Variants in ZBTB46 observed in about 807,000 individuals in gnomAD.
The protein encoded by ZBTB46 is zinc finger and BTB domain-containing protein 46.
Under a neutral mutation model 44.1 loss-of-function variants are expected in ZBTB46, and 8 were observed. That is an observed-to-expected ratio of 0.18 (90% confidence interval 0.11 to 0.33). ZBTB46 has a LOEUF of 0.33. Among genes scored for constraint, ZBTB46 ranks in the 10% least tolerant of loss-of-function variants. ZBTB46 has a pLI of 1.00. For missense variants in ZBTB46, 651 were observed against 847.7 expected (o/e 0.77, Z 2.88); for synonymous variants, 409 against 382.3 (o/e 1.07, Z -0.81).
In ZBTB46 at chr20:63,790,218, A is replaced by G; in HGVS notation, c.540T>C (p.Ser180=). 2 of 1,612,636 alleles carry G rather than the reference A, an allele frequency of 1.2e-6. No individual in the cohort carries two copies. Among genetic ancestry groups the G allele is most frequent in the Non-Finnish European group, 1.7e-6 (2 of 1,179,492 alleles). The change falls in exon 2 of 5, where the codon TCT becomes TCC. Residue 180 remains serine (S), a synonymous_variant. Coordinates refer to ENST00000245663, the MANE Select transcript of ZBTB46 (RefSeq NM_001369741.1). ...AGCTGGCGATGGCCGAGTCTCCGGA[A>G]GAATTGGCAGGACTCGTTCGCCGTG... ...WLARRTSPAN[S]SGDSAIASCH... is the part of the protein sequence containing the mutation.
chr20:63,805,740 A>G (rs1313561574), intron 1 of ZBTB46, among the ~76,000 whole-genome samples: 2 of 148,894 alleles, frequency 1.3e-5, no homozygotes, highest in African/African-American at 2.5e-5. Flanking sequence ...ACACAAAGCC[A>G]TGCATCAGCT....
chr20:63,786,920 G>C (rs983229568), intron 2 of ZBTB46, among the ~76,000 whole-genome samples: 8 of 152,146 alleles, frequency 5.3e-5, no homozygotes, highest in African/African-American at 1.9e-4. Flanking sequence ...GCCTCCAAAA[G>C]GGATTTTGGG....
At chr20:63,815,348 TAGGTGC>T (rs1281372202) in intron 1 of ZBTB46, among the ~76,000 whole-genome samples, 1 of 141,762 alleles carries the variant, frequency 7.1e-6, no homozygotes, top group Admixed American at 7.0e-5. Flanking sequence ...ATAGGTGCAG[TAGGTGC>T]AGGTGCAGTG....
intron 1 of ZBTB46, among the ~76,000 whole-genome samples, 165 bp downstream of exon 1, chr20:63,830,932 G>T (rs187638394): frequency 2.1e-5 from 3 of 141,734 alleles, no homozygotes; most frequent in African/African-American, 7.6e-5. Context: ...GAGCGCCGAT[G>T]GCCCCCGGGA....
intron 1 of ZBTB46, among the ~76,000 whole-genome samples, chr20:63,805,994 C>T (rs1290127009): frequency 6.8e-6 from 1 of 148,016 alleles, no homozygotes; most frequent in Non-Finnish European, 1.5e-5. Flanking sequence ...AGGTTGGTCT[C>T]GAACTCCTGA....
At position 63,752,005 on chromosome 20, in the gene ZBTB46, C is replaced by T. The variant is rs2092172418; in HGVS notation, c.1398+681G>A. Among the ~76,000 whole-genome samples, 2 of 151,458 alleles carry T rather than the reference C, an allele frequency of 1.3e-5. No individual in the cohort carries two copies. The highest frequency in any genetic ancestry group is 6.6e-5 in the Admixed American group (1 of 15,234). The stretch of plus-strand genomic sequence containing the variant: ...CTCTGCCCGGAGCCCGGGGCGCCTC[C>T]ACTGCCTCTCCTCACACAGCTGCCC... On this transcript the variant is annotated intron_variant, in intron 4 of 4. Coordinates refer to ENST00000245663, the MANE Select transcript of ZBTB46 (RefSeq NM_001369741.1). The surrounding 1 kb of genome is among the most constrained non-coding windows in gnomAD (Gnocchi z 5.6).
chr20:63,780,784 A>G (rs1568861172), intron 2 of ZBTB46, among the ~76,000 whole-genome samples: 1 of 151,472 alleles, frequency 6.6e-6, no homozygotes, highest in Non-Finnish European at 1.5e-5. Flanking sequence ...CCTGGGCGAC[A>G]GAATGATACT....
chr20:63,828,024 G>A (rs937200895), intron 1 of ZBTB46, among the ~76,000 whole-genome samples: 5 of 152,202 alleles, frequency 3.3e-5, no homozygotes, highest in African/African-American at 9.7e-5. Context: ...GGCCTCAAGC[G>A]GCCCGCCCGC....
intron 3 of ZBTB46, among the ~76,000 whole-genome samples, chr20:63,764,235 CA>C (rs1251867123): frequency 6.6e-6 from 1 of 152,082 alleles, no homozygotes; most frequent in Non-Finnish European, 1.5e-5. Flanking sequence ...CCAGGGGTTC[CA>C]GACCAGCCTG....
chr20:63,831,459 CGCCGCGCCGCGGGGTCGCAGGGG>C (rs1306740656), upstream of ZBTB46, among the ~76,000 whole-genome samples: 16 of 144,716 alleles, frequency 1.1e-4, no homozygotes, highest in African/African-American at 3.0e-4. Context: ...CGGCTCCCGG[CGCCGCGCCGCGGGGTCGCAGGGG>C]GCCGCGCCGG....
intron 1 of ZBTB46, among the ~76,000 whole-genome samples, chr20:63,818,661 C>T (rs2092773661): frequency 1.3e-5 from 2 of 151,576 alleles, no homozygotes; most frequent in African/African-American, 4.9e-5. Context: ...CGAGACCAGC[C>T]TGGCCAACAT....
At chr20:63,758,252 A>G (rs1437721319) in intron 3 of ZBTB46, among the ~76,000 whole-genome samples, 1 of 141,458 alleles carries the variant, frequency 7.1e-6, no homozygotes, top group Admixed American at 7.4e-5. Flanking sequence ...CACTACAGCC[A>G]GTATCCCCTC....
chr20:63,775,416 C>A, intron 3 of ZBTB46: 1 of 407,540 alleles, frequency 2.5e-6, no homozygotes. Context: ...GAGAAACATT[C>A]CAGCAAGCAC....
rs1042409095 is a variant in ZBTB46 at position 63,769,257 on chromosome 20, G to C, written c.1222+6421C>G. The C allele has an allele frequency of 2.3e-5, 23 of 985,284 alleles. No homozygotes were observed. In the African/African-American group the frequency reaches 3.7e-4, roughly 16 times the overall value. The allele number at this position is 985,284 out of a possible 1,614,324, so 61.0% of individuals were successfully genotyped here. A position where few individuals can be genotyped will look rare whatever the true frequency, so the allele number is the denominator to read the frequency against. On this transcript the variant is annotated intron_variant, in intron 3 of 4. Transcript: ENST00000245663. ...GCCACCCTGGTGTCTTACCTGAGCT[G>C]GGGGAGGCTGTGCCGGCTCCCTGGG...
chr20:63,827,571 G>A (rs1455006152), intron 1 of ZBTB46, among the ~76,000 whole-genome samples: 2 of 148,442 alleles, frequency 1.3e-5, no homozygotes, highest in Admixed American at 1.3e-4. Context: ...TTGCGCCACT[G>A]CAGTCCGCAG....
intron 1 of ZBTB46, among the ~76,000 whole-genome samples, chr20:63,791,873 T>A (rs2092563762): frequency 6.6e-6 from 1 of 152,180 alleles, no homozygotes; most frequent in African/African-American, 2.4e-5. Flanking sequence ...CTCCGCCTGT[T>A]CTCGTCTGCT....
chr20:63,804,923 C>CTTT (rs796503047), intron 1 of ZBTB46, among the ~76,000 whole-genome samples: 3 of 138,484 alleles, frequency 2.2e-5, no homozygotes, highest in Admixed American at 7.2e-5. Context: ...ACCTACATGA[C>CTTT]TTTTTTTTTT....
intron 1 of ZBTB46, among the ~76,000 whole-genome samples, chr20:63,813,348 C>G (rs916153749): frequency 1.8e-4 from 27 of 151,754 alleles, no homozygotes; most frequent in African/African-American, 6.3e-4. Flanking sequence ...ATTCGGGAGG[C>G]TGAGGCAGGA....
intron 3 of ZBTB46, among the ~76,000 whole-genome samples, chr20:63,773,948 C>T (rs1393464237): frequency 6.6e-6 from 1 of 151,692 alleles, no homozygotes; most frequent in East Asian, 1.9e-4. Context: ...GGGGACGGGG[C>T]CAACATCTTG....
Sources: allele counts gnomAD v4.1 joint callset (sites outside exome capture counted in the v4.1 genomes callset), GRCh38; gene constraint gnomAD v4.1.1; non-coding constraint Gnocchi (gnomAD v3.1); transcripts MANE v1.5; gene names NCBI Gene and HGNC (gene_info 2026-07-23, HGNC 2026-07-21).